CDH18: variants seen among roughly 807,000 people sequenced by gnomAD.
CDH18 encodes the protein cadherin-18.
A neutral mutation model predicts 67.9 loss-of-function variants in CDH18; 31 were observed. The ratio of observed to expected loss-of-function variants is 0.46; its 90% confidence interval spans 0.34 to 0.62. The LOEUF (loss-of-function observed/expected upper bound fraction) is 0.62. CDH18 is among the 20% of genes least tolerant of loss of function. CDH18 has a pLI of 0.01. For missense variants in CDH18, 890 were observed against 975.5 expected, an observed-to-expected ratio of 0.91 and a Z score of 1.17; for synonymous variants, 362 against 347.2, an observed-to-expected ratio of 1.04 and a Z score of -0.48.
intron 5 of CDH18, among the ~76,000 whole-genome samples, chr5:19,661,898 C>G (rs1273163351): frequency 6.6e-6 from 1 of 152,044 alleles, no homozygotes; most frequent in Non-Finnish European, 1.5e-5. Context: ...GGTTAGACTG[C>G]AGGTTTGTCA....
At chr5:20,295,957 T>G (rs1449174421) in intron 1 of CDH18, among the ~76,000 whole-genome samples, 1 of 139,988 alleles carries the variant, frequency 7.1e-6, no homozygotes, top group African/African-American at 2.6e-5. Flanking sequence ...CTGCAACCTC[T>G]GTCTCCCGGG....
chr5:20,550,116 C>T (rs1757551587), intron 1 of CDH18, among the ~76,000 whole-genome samples: 1 of 152,068 alleles, frequency 6.6e-6, no homozygotes, highest in Non-Finnish European at 1.5e-5. Flanking sequence ...GAGATTTATC[C>T]TACCTGTCAC....
intron 2 of CDH18, among the ~76,000 whole-genome samples, chr5:19,842,635 A>G (rs891487619): frequency 2.6e-5 from 4 of 152,200 alleles, no homozygotes; most frequent in African/African-American, 9.6e-5. Flanking sequence ...TTTTACCAGT[A>G]GAGTGGGGTG....
At chr5:19,505,708 G>A (rs570269173) in intron 10 of CDH18, among the ~76,000 whole-genome samples, 1 of 152,244 alleles carries the variant, frequency 6.6e-6, no homozygotes, top group African/African-American at 2.4e-5. Flanking sequence ...TGTGCTGCTG[G>A]ATTCGGTTTG....
chr5:20,121,069 C>T (rs1748315210), intron 2 of CDH18, among the ~76,000 whole-genome samples: 1 of 152,170 alleles, frequency 6.6e-6, no homozygotes, highest in Non-Finnish European at 1.5e-5. Flanking sequence ...TTTCCCATCA[C>T]TGCCACCACA....
chr5:20,506,728 G>A (rs185025194), intron 1 of CDH18, among the ~76,000 whole-genome samples: 17 of 152,298 alleles, frequency 1.1e-4, no homozygotes, highest in African/African-American at 4.1e-4. Context: ...TGGTAATATT[G>A]TTACACAGCA....
In CDH18 at chr5:20,035,212, A is replaced by AT. The variant is rs542485561; in HGVS notation, c.-517-43199dup. On this transcript the variant is annotated intron_variant, in intron 2 of 14. Coordinates refer to the CDH18 transcript ENST00000507958. ...GCAGTATTAGCCATTAAATTTGGGG[A>AT]TTTTTTTATGACTGCATAAATCATC... 2.1e-3 allele frequency among the ~76,000 whole-genome samples: 323 copies of AT among 152,076 alleles called. 1 individual carries two copies. The highest frequency in any genetic ancestry group is 3.8e-3 in the Non-Finnish European group (256 of 67,944).
chr5:19,943,171 T>C (rs1015710329), intron 2 of CDH18, among the ~76,000 whole-genome samples: 4 of 152,080 alleles, frequency 2.6e-5, no homozygotes, highest in Non-Finnish European at 2.9e-5. Context: ...GGGAAAATGA[T>C]TGTAATAATC....
intron 3 of CDH18, among the ~76,000 whole-genome samples, chr5:19,836,578 A>G (rs1781662907): frequency 6.6e-6 from 1 of 152,190 alleles, no homozygotes; most frequent in Non-Finnish European, 1.5e-5. Context: ...ACCCTTTGCC[A>G]GATGGATAGA....
chr5:19,684,948 T>A (rs925816849), intron 5 of CDH18, among the ~76,000 whole-genome samples: 4 of 151,880 alleles, frequency 2.6e-5, no homozygotes, highest in East Asian at 1.9e-4. Context: ...AGTCACATAC[T>A]TTTTTATTCA....
intron 5 of CDH18, among the ~76,000 whole-genome samples, chr5:19,714,281 AT>A (rs5866394): frequency 0.56 from 85,317 of 151,920 alleles, 27,121 homozygotes; most frequent in East Asian, 0.74. Context: ...AAAAATCTAG[AT>A]TTTTAACTGC....
At chr5:20,141,552 G>C (rs554140147) in intron 2 of CDH18, among the ~76,000 whole-genome samples, 22 of 152,250 alleles carry the variant, frequency 1.4e-4, no homozygotes, top group African/African-American at 4.8e-4. Flanking sequence ...AGAAGGAACT[G>C]TTATGTGGAA....
In CDH18 at chr5:20,443,207, C is replaced by CTCAAAAAAAAAAAAAA. The variant is rs1491460573; in HGVS notation, c.-580+132254_-580+132255insTTTTTTTTTTTTTTGA. Among the ~76,000 whole-genome samples the CTCAAAAAAAAAAAAAA allele has an allele frequency of 7.9e-4, 20 of 25,378 alleles. 1 individual carries two copies. Among genetic ancestry groups the CTCAAAAAAAAAAAAAA allele is most frequent in the Admixed American group, 2.1e-3 (3 of 1,436 alleles). The allele number at this position is 25,378 out of a possible 152,430, so 16.6% of individuals were successfully genotyped here. A position where few individuals can be genotyped will look rare whatever the true frequency, so the allele number is the denominator to read the frequency against. On this transcript the variant is annotated intron_variant, in intron 1 of 14. Transcript: ENST00000507958. ...CCTGGGTGATAGAGCGAGACTCCGT[C>CTCAAAAAAAAAAAAAA]ACAAAAAAAAAAAAAAAAAAAAAAG...
At chr5:19,717,124 AT>A (rs1765436345) in intron 5 of CDH18, among the ~76,000 whole-genome samples, 1 of 152,002 alleles carries the variant, frequency 6.6e-6, no homozygotes, top group Non-Finnish European at 1.5e-5. Context: ...TTTAACTACG[AT>A]TTTGTAAAAC....
chr5:19,943,333 T>A lies in CDH18; in HGVS notation c.-257+37727A>T, dbSNP rs368497520. ...CATTTTTATTCCACTACACCATATC[T>A]ATCTAAGTAATTCAGTTCTCAAAGT... On this transcript the variant is annotated intron_variant, in intron 2 of 12. Coordinates refer to ENST00000382275, the MANE Select transcript of CDH18 (RefSeq NM_004934.5). Among the ~76,000 whole-genome samples the A allele has an allele frequency of 6.0e-4, 91 of 152,228 alleles. No homozygotes were observed. In the South Asian group the frequency reaches 0.016, roughly 27 times the overall value.
chr5:20,538,913 T>TTTTTG (rs1554016308), intron 1 of CDH18, among the ~76,000 whole-genome samples: 3 of 142,356 alleles, frequency 2.1e-5, no homozygotes, highest in African/African-American at 7.6e-5. Context: ...TTTTTTGTTT[T>TTTTTG]TTTTTTTTTT....
intron 2 of CDH18, among the ~76,000 whole-genome samples, chr5:20,133,944 T>C (rs1047893446): frequency 6.6e-6 from 1 of 152,152 alleles, no homozygotes; most frequent in East Asian, 1.9e-4. Flanking sequence ...TATATATGTC[T>C]TACAACTTTT....
chr5:19,975,450 T>G (rs934111407), intron 2 of CDH18, among the ~76,000 whole-genome samples: 2 of 152,138 alleles, frequency 1.3e-5, no homozygotes, highest in African/African-American at 4.8e-5. Flanking sequence ...AGGAGGATTG[T>G]GTACTACCAA....
intron 1 of CDH18, among the ~76,000 whole-genome samples, chr5:20,423,740 T>C (rs2150162804): frequency 6.7e-6 from 1 of 150,112 alleles, no homozygotes; most frequent in Admixed American, 6.6e-5. Flanking sequence ...GGTCAGAAGA[T>C]CGAGACCATC....
Sources: gnomAD v4.1 joint callset for allele counts (sites outside exome capture counted in the v4.1 genomes callset) on GRCh38, gnomAD v4.1.1 for gene constraint, MANE v1.5 for transcripts, NCBI Gene and HGNC (gene_info 2026-07-23, HGNC 2026-07-21) for gene names.